SLC25A48: variants seen among roughly 807,000 people sequenced by gnomAD.
SLC25A48 encodes solute carrier family 25 member 48.
Under a neutral mutation model 32.2 loss-of-function variants are expected in SLC25A48, and 29 were observed. That is an observed-to-expected ratio of 0.90 (90% CI 0.67 to 1.23). The LOEUF (loss-of-function observed/expected upper bound fraction) is 1.23, where lower values mean the gene tolerates loss of function less well. Among genes scored for constraint, SLC25A48 ranks in the 50% most tolerant of loss-of-function variants. SLC25A48 has a pLI of 0.00. For synonymous variants in SLC25A48, 164 were observed against 172.3 expected (o/e 0.95, Z 0.38); for missense variants, 399 against 422.7 (o/e 0.94, Z 0.49).
intron 3 of SLC25A48, among the ~76,000 whole-genome samples, chr5:135,747,404 T>G (rs534971936): frequency 6.6e-6 from 1 of 152,066 alleles, no homozygotes; most frequent in Non-Finnish European, 1.5e-5. Flanking sequence ...CTGGTCAATT[T>G]TTCCCCCCAA....
chr5:135,819,064 G>GC, intron 4 of SLC25A48, among the ~76,000 whole-genome samples: 1 of 151,488 alleles, frequency 6.6e-6, no homozygotes, highest in Admixed American at 6.6e-5. Flanking sequence ...AAACAAATGA[G>GC]CAGAGCCTCA....
chr5:135,793,273 A>T (rs1410485882), intron 3 of SLC25A48, among the ~76,000 whole-genome samples: 1 of 149,904 alleles, frequency 6.7e-6, no homozygotes, highest in Non-Finnish European at 1.5e-5. Flanking sequence ...TGGGTATACA[A>T]TATTTGTGTA....
At chr5:135,830,900 C>T (rs915006291), upstream of SLC25A48, among the ~76,000 whole-genome samples, 1 of 152,136 alleles carries the variant, frequency 6.6e-6, no homozygotes, top group Admixed American at 6.5e-5. Flanking sequence ...CCTGGAGCAA[C>T]CAAGCATTGC....
chr5:135,603,516 C>A (rs1751850852), intron 1 of SLC25A48, among the ~76,000 whole-genome samples: 1 of 152,234 alleles, frequency 6.6e-6, no homozygotes. Context: ...GCAGGCCCGG[C>A]CCTGCCTCTG....
At chr5:135,850,229 A>G (rs1759732298) in intron 2 of SLC25A48, among the ~76,000 whole-genome samples, 196 bp from the exon 3 acceptor site, 1 of 152,214 alleles carries the variant, frequency 6.6e-6, no homozygotes, top group Non-Finnish European at 1.5e-5. Context: ...GCTTCTCTGC[A>G]TTGAGTGAGT....
chr5:135,667,555 T>C (rs985557400), intron 3 of SLC25A48, among the ~76,000 whole-genome samples: 7 of 152,190 alleles, frequency 4.6e-5, no homozygotes, highest in Non-Finnish European at 8.8e-5. Flanking sequence ...TTATTTTCTC[T>C]TAAAAACCCC....
chr5:135,610,998 A>G (rs1468456906), intron 1 of SLC25A48, among the ~76,000 whole-genome samples: 3 of 152,232 alleles, frequency 2.0e-5, no homozygotes, highest in African/African-American at 7.2e-5. Flanking sequence ...TTCAAAAAAC[A>G]TAGTGTTGAG....
intron 1 of SLC25A48, among the ~76,000 whole-genome samples, chr5:135,589,501 T>C (rs1026031759): frequency 6.6e-6 from 1 of 152,206 alleles, no homozygotes; most frequent in Admixed American, 6.5e-5. Flanking sequence ...GGCCCTGAAA[T>C]ATCAGCTTGT....
At chr5:135,825,538 T>C (rs541338670) in intron 4 of SLC25A48, among the ~76,000 whole-genome samples, 175 of 152,318 alleles carry the variant, frequency 1.1e-3, no homozygotes, top group African/African-American at 4.0e-3. Context: ...GACATGGGCC[T>C]GTCCTTTTCT....
intron 3 of SLC25A48, among the ~76,000 whole-genome samples, chr5:135,794,266 A>C (rs1444923295): frequency 1.3e-5 from 2 of 151,604 alleles, no homozygotes; most frequent in Non-Finnish European, 2.9e-5. Flanking sequence ...TGTTACTCCC[A>C]ATATTGCGGG....
chr5:135,768,748 A>G (rs1756315144), intron 3 of SLC25A48, among the ~76,000 whole-genome samples: 1 of 151,736 alleles, frequency 6.6e-6, no homozygotes, highest in South Asian at 2.1e-4. Context: ...GGAGAGGATG[A>G]TATTACTCTC....
chr5:135,884,280 A>C (rs1230514417), intron 7 of SLC25A48, among the ~76,000 whole-genome samples: 1 of 152,174 alleles, frequency 6.6e-6, no homozygotes, highest in Admixed American at 6.5e-5. Context: ...GGTGCAAAAG[A>C]GTTGAAAGTG....
At chr5:135,849,617 G>T (rs1391082522) in intron 2 of SLC25A48, among the ~76,000 whole-genome samples, 1 of 152,180 alleles carries the variant, frequency 6.6e-6, no homozygotes, top group Non-Finnish European at 1.5e-5. Flanking sequence ...AACACAGGTG[G>T]TCCTACCCTA....
chr5:135,885,223 C>G (rs1167194839), intron 7 of SLC25A48, among the ~76,000 whole-genome samples: 1 of 152,176 alleles, frequency 6.6e-6, no homozygotes, highest in African/African-American at 2.4e-5. Context: ...TCCCATTGCT[C>G]TGGTCCAGGT....
At chr5:135,653,541 TAGA>T (rs2126927796) in intron 3 of SLC25A48, among the ~76,000 whole-genome samples, 1 of 152,280 alleles carries the variant, frequency 6.6e-6, no homozygotes, top group South Asian at 2.1e-4. Flanking sequence ...GATTGGTTAG[TAGA>T]AGAAGGAAGC....
chr5:135,640,954 A>G (rs1025129839), intron 3 of SLC25A48, among the ~76,000 whole-genome samples: 5 of 152,230 alleles, frequency 3.3e-5, no homozygotes, highest in African/African-American at 1.2e-4. Flanking sequence ...GGATGTCTGT[A>G]CTCATCATTT....
chr5:135,628,858 T>C (rs1379991931), intron 1 of SLC25A48, among the ~76,000 whole-genome samples: 2 of 152,138 alleles, frequency 1.3e-5, no homozygotes, highest in African/African-American at 4.8e-5. Context: ...GGATTCGAAA[T>C]ACATCATGGA....
At chr5:135,870,462 C>T (rs1043877516) in intron 4 of SLC25A48, among the ~76,000 whole-genome samples, 1 of 152,178 alleles carries the variant, frequency 6.6e-6, no homozygotes, top group Non-Finnish European at 1.5e-5. Context: ...AGAGTCTCAG[C>T]TGGCTATGTG....
chr5:135,768,708 C>T (rs1756314341), intron 3 of SLC25A48, among the ~76,000 whole-genome samples: 1 of 151,486 alleles, frequency 6.6e-6, no homozygotes, highest in Middle Eastern at 3.2e-3. Flanking sequence ...TGTGCACACC[C>T]TTGTTATATT....
Sources: allele counts gnomAD v4.1 joint callset (sites outside exome capture counted in the v4.1 genomes callset), GRCh38; gene constraint gnomAD v4.1.1; transcripts MANE v1.5; gene names NCBI Gene and HGNC (gene_info 2026-07-23, HGNC 2026-07-21).